The following DNAJC24 variants were observed in gnomAD, a reference collection of about 807,000 sequenced individuals.
The protein encoded by DNAJC24 is dnaJ homolog subfamily C member 24.
A neutral mutation model predicts 18.0 loss-of-function variants in DNAJC24; 17 were observed. The observed-to-expected ratio is 0.94, with a 90% CI of 0.65 to 1.42. DNAJC24 has a LOEUF of 1.42. Ranked by LOEUF, DNAJC24 falls within the 40% of genes most tolerant of loss-of-function variation. The pLI is 0.00. For missense variants in DNAJC24, 158 were observed against 175.6 expected (o/e 0.90, Z 0.57); for synonymous variants, 55 against 57.7 (o/e 0.95, Z 0.21).
At chr11:31,422,172 C>T (rs1952812412) in intron 3 of DNAJC24, 2 of 219,056 alleles carry the variant, frequency 9.1e-6, no homozygotes, top group Non-Finnish European at 1.9e-5. Context: ...TTATATTTCT[C>T]AAGAACCTCT....
intron 3 of DNAJC24, chr11:31,416,054 G>A (rs527984068): frequency 6.6e-6 from 1 of 152,292 alleles, no homozygotes; most frequent in South Asian, 2.1e-4. Flanking sequence ...AACTGTTTAT[G>A]TACTGGAGTA....
intron 2 of DNAJC24, among the ~76,000 whole-genome samples, chr11:31,378,063 T>C (rs1392388602): frequency 6.6e-6 from 1 of 152,080 alleles, no homozygotes; most frequent in African/African-American, 2.4e-5. Flanking sequence ...ACCTGTACTA[T>C]AGTCAGAAGA....
intron 2 of DNAJC24, among the ~76,000 whole-genome samples, chr11:31,390,372 G>A (rs1952479433): frequency 6.9e-6 from 1 of 144,544 alleles, no homozygotes; most frequent in African/African-American, 2.6e-5. Flanking sequence ...CGCCAGCCTG[G>A]GTGACAGAGC....
intron 2 of DNAJC24, among the ~76,000 whole-genome samples, chr11:31,394,924 G>T (rs1952530896): frequency 6.6e-6 from 1 of 152,114 alleles, no homozygotes; most frequent in Non-Finnish European, 1.5e-5. Context: ...TAACATTATT[G>T]CAGGTTACAT....
In DNAJC24 at chr11:31,404,412, T is replaced by A. The variant is rs183792720; in HGVS notation, c.112-10399T>A. On this transcript the variant is annotated intron_variant, in intron 2 of 4. Coordinates refer to ENST00000465995, the MANE Select transcript of DNAJC24 (RefSeq NM_181706.5). ...ACCTTTTGCTTACTGAGTTGCTCAT[T>A]TACTTCTCAGGGCTAGCTGAGTGCC... 2.1e-3 allele frequency among the ~76,000 whole-genome samples: 316 copies of A among 152,306 alleles called. 1 individual carries two copies. Among genetic ancestry groups the A allele is most frequent in the Non-Finnish European group, 3.7e-3 (252 of 68,026 alleles).
intron 2 of DNAJC24, among the ~76,000 whole-genome samples, chr11:31,395,558 TTC>T (rs1334418543): frequency 6.6e-6 from 1 of 152,234 alleles, no homozygotes; most frequent in Non-Finnish European, 1.5e-5. Context: ...ATGATAGTCA[TTC>T]TGACTGTATA....
intron 2 of DNAJC24, among the ~76,000 whole-genome samples, chr11:31,391,968 C>A (rs1268390109): frequency 1.3e-5 from 2 of 152,046 alleles, no homozygotes; most frequent in East Asian, 3.9e-4. Context: ...AAGAAGAGGA[C>A]ATTATATTAA....
intron 3 of DNAJC24, 70 bp from the exon 4 acceptor site, chr11:31,426,217 T>G: frequency 9.6e-7 from 1 of 1,042,706 alleles, no homozygotes; most frequent in Non-Finnish European, 1.4e-6. Context: ...CGTTGCCTTT[T>G]TAGCATTCTT....
rs1456491807 is a variant in DNAJC24 at position 31,380,738 on chromosome 11, A to G, written c.111+9879A>G. 2.0e-5 allele frequency among the ~76,000 whole-genome samples: 3 copies of G among 152,190 alleles called. No individual in the cohort carries two copies. In the East Asian group the frequency reaches 5.8e-4, roughly 29 times the overall value. On this transcript the variant is annotated intron_variant, in intron 2 of 4. Coordinates refer to ENST00000465995, the MANE Select transcript of DNAJC24 (RefSeq NM_181706.5). ...ATTTCAGTGAGTCTTGACTACATGT[A>G]TGTGTATAATCAACACCATATCAAG... is the stretch of plus-strand genomic sequence containing the variant.
At chr11:31,394,641 A>G (rs914259624) in intron 2 of DNAJC24, among the ~76,000 whole-genome samples, 1 of 152,124 alleles carries the variant, frequency 6.6e-6, no homozygotes, top group Admixed American at 6.5e-5. Flanking sequence ...AATATAAAAT[A>G]AAAGGAACCA....
intron 2 of DNAJC24, among the ~76,000 whole-genome samples, chr11:31,401,659 G>A (rs940556243): frequency 2.6e-5 from 4 of 152,102 alleles, no homozygotes; most frequent in African/African-American, 9.7e-5. Flanking sequence ...TTTAGCAGAA[G>A]TTTTAAAAAT....
chr11:31,396,773 C>T (rs1952545501), intron 2 of DNAJC24, among the ~76,000 whole-genome samples: 2 of 152,162 alleles, frequency 1.3e-5, no homozygotes, highest in Admixed American at 1.3e-4. Context: ...AACAAATCCA[C>T]ATTTCTTGGC....
intron 3 of DNAJC24, among the ~76,000 whole-genome samples, chr11:31,417,591 AG>A (rs1952762294): frequency 6.6e-6 from 1 of 152,094 alleles, no homozygotes; most frequent in African/African-American, 2.4e-5. Flanking sequence ...TTTGTTATAC[AG>A]AACTCTTTTT....
At chr11:31,413,488 A>G (rs558196586) in intron 2 of DNAJC24, among the ~76,000 whole-genome samples, 4 of 151,522 alleles carry the variant, frequency 2.6e-5, no homozygotes, top group South Asian at 2.1e-4. Flanking sequence ...CCACCACCAC[A>G]CCTGGCCAAT....
chr11:31,425,428 T>C (rs1392099270), intron 3 of DNAJC24, among the ~76,000 whole-genome samples: 2 of 152,154 alleles, frequency 1.3e-5, no homozygotes, highest in African/African-American at 2.4e-5. Context: ...CAAAATACCA[T>C]AGACTAGGTG....
At chr11:31,395,158 G>C (rs564042785) in intron 2 of DNAJC24, among the ~76,000 whole-genome samples, 34 of 152,242 alleles carry the variant, frequency 2.2e-4, no homozygotes, top group African/African-American at 7.2e-4. Context: ...TTGTATTAGT[G>C]CACTTAGGAG....
At chr11:31,417,471 G>A (rs1952761164) in intron 3 of DNAJC24, 1 of 152,060 alleles carries the variant, frequency 6.6e-6, no homozygotes, top group Admixed American at 6.6e-5. Flanking sequence ...AAACCTTTGA[G>A]AGTAATAATT....
At chr11:31,424,012 A>G (rs1333320938) in intron 3 of DNAJC24, among the ~76,000 whole-genome samples, 3 of 152,146 alleles carry the variant, frequency 2.0e-5, no homozygotes, top group African/African-American at 7.2e-5. Flanking sequence ...AGAATAATAG[A>G]AAGGGTTGCA....
intron 2 of DNAJC24, among the ~76,000 whole-genome samples, chr11:31,374,694 T>C (rs1325343645): frequency 2.2e-5 from 3 of 134,486 alleles, no homozygotes; most frequent in East Asian, 1.9e-4. Flanking sequence ...CCAGTCTTTC[T>C]CTTGTTTAGT....
Sources: gnomAD v4.1 joint callset for allele counts (sites outside exome capture counted in the v4.1 genomes callset) on GRCh38, gnomAD v4.1.1 for gene constraint, MANE v1.5 for transcripts, NCBI Gene and HGNC (gene_info 2026-07-23, HGNC 2026-07-21) for gene names.